The following FAAH2 variants were observed in gnomAD, a reference collection of about 807,000 sequenced individuals.
FAAH2 encodes fatty acid amide hydrolase 2, also known as fatty-acid amide hydrolase 2.
FAAH2 carries 60 observed loss-of-function variants against 36.9 expected under a neutral mutation model. That is an observed-to-expected ratio of 1.63 (90% CI 1.32 to 2.02). The LOEUF (loss-of-function observed/expected upper bound fraction) is 2.02, where lower values mean the gene tolerates loss of function less well. Ranked by LOEUF, FAAH2 falls within the 30% of genes most tolerant of loss-of-function variation. FAAH2 has a pLI of 0.00. For missense variants in FAAH2, 689 were observed against 397.5 expected, an observed-to-expected ratio of 1.73 and a Z score of -6.23; for synonymous variants, 214 against 143.8, an observed-to-expected ratio of 1.49 and a Z score of -3.49.
At chrX:57,271,305 C>T in the FAAH2 span, among the ~76,000 whole-genome samples, 1 of 112,624 alleles carries the variant, frequency 8.9e-6, no homozygotes, top group East Asian at 2.8e-4. Context: ...CAGGGCATAT[C>T]TGTAAAAAAG....
At chrX:57,421,376 C>G (rs1256039437) in intron 7 of FAAH2, among the ~76,000 whole-genome samples, 1 of 111,985 alleles carries the variant, frequency 8.9e-6, no homozygotes, top group African/African-American at 3.2e-5. Context: ...TGCTTGAACC[C>G]AAGAGGTGGC....
At chrX:57,267,123 G>T in the FAAH2 span, among the ~76,000 whole-genome samples, 13 of 112,552 alleles carry the variant, frequency 1.2e-4, no homozygotes, top group East Asian at 1.4e-3. Flanking sequence ...CTCCAGCAAG[G>T]TGGCCCCTAC....
intron 2 of FAAH2, among the ~76,000 whole-genome samples, chrX:57,300,621 A>G (rs1308670356): frequency 8.9e-6 from 1 of 112,012 alleles, no homozygotes; most frequent in African/African-American, 3.2e-5. Context: ...GATCTAATTA[A>G]GCTAAAGAGC....
At chrX:57,213,559 A>G in the FAAH2 span, among the ~76,000 whole-genome samples, 1 of 111,121 alleles carries the variant, frequency 9.0e-6, no homozygotes, top group Admixed American at 9.6e-5. Context: ...AAAATTTTTG[A>G]TTTCCATTTT....
intron 5 of FAAH2, among the ~76,000 whole-genome samples, chrX:57,363,758 G>C (rs753319607): frequency 9.0e-6 from 1 of 110,673 alleles, no homozygotes; most frequent in East Asian, 2.8e-4. Flanking sequence ...AATTTTTAGA[G>C]GATTTTTAAC....
intron 1 of FAAH2, among the ~76,000 whole-genome samples, chrX:57,289,247 A>G (rs1252340659): frequency 1.8e-5 from 2 of 111,544 alleles, no homozygotes; most frequent in African/African-American, 3.3e-5. Context: ...ATGGAAGAGT[A>G]TGCTTCTTGA....
the FAAH2 span, among the ~76,000 whole-genome samples, chrX:57,234,353 T>A: frequency 9.0e-6 from 1 of 111,704 alleles, no homozygotes; most frequent in Non-Finnish European, 1.9e-5. Context: ...CAATGAGAAA[T>A]CAACCCACTT....
chrX:57,393,894 A>G, intron 7 of FAAH2: 1 of 1,046,916 alleles, frequency 9.6e-7, no homozygotes, highest in South Asian at 1.9e-5. Context: ...AATCTTGCAA[A>G]TCTGTTTATC....
At chrX:57,349,993 TA>T (rs2053955811) in intron 5 of FAAH2, among the ~76,000 whole-genome samples, 1 of 110,528 alleles carries the variant, frequency 9.0e-6, no homozygotes, top group Non-Finnish European at 1.9e-5. Context: ...CAATGATTTT[TA>T]AAAACAGCAA....
chrX:57,142,173 A>G, the FAAH2 span, among the ~76,000 whole-genome samples: 2 of 110,455 alleles, frequency 1.8e-5, no homozygotes, highest in Admixed American at 1.9e-4. Flanking sequence ...TTAATTTTCT[A>G]CTTCTTTAAG....
In FAAH2 at chrX:57,448,674, A is replaced by C. The variant is rs760074041; in HGVS notation, c.1379A>C (p.Lys460Thr). ...CCCTCACATCCCACAGTGGCACCTA[A>C]GCATCATGTCCCTCTAACACGGCCT... The part of the protein sequence containing the change: ...LYPSHPTVAP[K>T]HHVPLTRPFN... The change falls in exon 10 of 11, where the codon AAG (lysine) becomes ACG (threonine). Residue 460 changes from lysine to threonine, a missense_variant. Coordinates refer to ENST00000374900, the MANE Select transcript of FAAH2 (RefSeq NM_174912.4). 56 of 1,209,634 alleles carry C rather than the reference A, an allele frequency of 4.6e-5. No homozygotes were observed. The highest frequency in any genetic ancestry group is 6.1e-5 in the Non-Finnish European group (55 of 895,084).
chrX:57,175,697 T>C, the FAAH2 span, among the ~76,000 whole-genome samples: 75 of 111,997 alleles, frequency 6.7e-4, no homozygotes, highest in Non-Finnish European at 1.2e-3. Context: ...GGTTCTATTC[T>C]GGTCTATATT....
At chrX:57,230,073 G>T in the FAAH2 span, among the ~76,000 whole-genome samples, 1 of 111,575 alleles carries the variant, frequency 9.0e-6, no homozygotes, top group African/African-American at 3.3e-5. Flanking sequence ...TTTGACTTCT[G>T]TCTCATACTC....
chrX:57,458,777 C>T (rs1413344028), intron 10 of FAAH2, among the ~76,000 whole-genome samples: 1 of 111,944 alleles, frequency 8.9e-6, no homozygotes, highest in African/African-American at 3.2e-5. Context: ...AGAGACTGGG[C>T]TATCCAGCCC....
intron 7 of FAAH2, among the ~76,000 whole-genome samples, chrX:57,387,471 G>A (rs927553091): frequency 1.8e-5 from 2 of 111,083 alleles, no homozygotes; most frequent in Non-Finnish European, 3.8e-5. Context: ...ATAAAAAGTA[G>A]AATGAGGAAA....
At chrX:57,468,533 C>G (rs756700609) in intron 10 of FAAH2, among the ~76,000 whole-genome samples, 11 of 111,271 alleles carry the variant, frequency 9.9e-5, no homozygotes, top group Non-Finnish European at 2.1e-4. Flanking sequence ...GAAGTGAGAA[C>G]AGAAGTTTAC....
At chrX:57,359,162 C>A (rs907537184) in intron 5 of FAAH2, among the ~76,000 whole-genome samples, 1 of 110,152 alleles carries the variant, frequency 9.1e-6, no homozygotes, top group African/African-American at 3.3e-5. Flanking sequence ...GTATTTGTAC[C>A]CATTAACAAT....
chrX:57,284,233 G>A (rs1318963040), upstream of FAAH2, among the ~76,000 whole-genome samples: 1 of 111,575 alleles, frequency 9.0e-6, no homozygotes, highest in Non-Finnish European at 1.9e-5. Context: ...TGCAATCTGG[G>A]CATGGTGGTG....
chrX:57,287,695 G>A (rs776873532), intron 1 of FAAH2, among the ~76,000 whole-genome samples: 25 of 111,625 alleles, frequency 2.2e-4, no homozygotes, highest in South Asian at 7.6e-4. Context: ...TGTGCAGGCA[G>A]GACTATTCAT....
Sources: gnomAD v4.1 joint callset for allele counts (sites outside exome capture counted in the v4.1 genomes callset) on GRCh38, gnomAD v4.1.1 for gene constraint, MANE v1.5 for transcripts, NCBI Gene and HGNC (gene_info 2026-07-23, HGNC 2026-07-21) for gene names.